The following KMT2C variants were observed in gnomAD, a reference collection of about 807,000 sequenced individuals.
The protein encoded by KMT2C is lysine methyltransferase 2C, also known as histone-lysine N-methyltransferase 2C.
KMT2C carries 88 observed loss-of-function variants against 507.9 expected under a neutral mutation model. The ratio of observed to expected loss-of-function variants is 0.17; its 90% CI spans 0.15 to 0.21. KMT2C has a LOEUF of 0.21. KMT2C is among the 10% of genes least tolerant of loss of function. KMT2C has a pLI of 1.00. For missense variants in KMT2C, 4,954 were observed against 5,957.8 expected (o/e 0.83, Z 5.55); for synonymous variants, 2,049 against 2,080.8 (o/e 0.98, Z 0.42).
intron 1 of KMT2C, among the ~76,000 whole-genome samples, chr7:152,374,063 A>G (rs2097310426): frequency 6.6e-6 from 1 of 152,222 alleles, no homozygotes; most frequent in Non-Finnish European, 1.5e-5. Context: ...CTATAATCCC[A>G]GCACTTTGGG....
At position 152,151,103 on chromosome 7, in the gene KMT2C, C is replaced by T. The variant is rs1474551125; in HGVS notation, c.12667-96G>A. The T allele has an allele frequency of 8.1e-6, 6 of 739,628 alleles. No homozygotes were observed. In the Admixed American group the frequency reaches 1.6e-4, roughly 20 times the overall value. 45.8% of individuals were successfully genotyped at this position (739,628 alleles called of 1,614,324 possible). The stretch of plus-strand genomic sequence containing the variant: ...ATTTTTATGTTATATTCAAAAGTGA[C>T]AGTGGTTCTTTATCTTAATAGTAGA... On this transcript the variant is annotated intron_variant, in intron 50 of 58. Transcript: ENST00000262189.
chr7:152,268,411 CTG>C (rs759932038), intron 7 of KMT2C, among the ~76,000 whole-genome samples: 5 of 152,348 alleles, frequency 3.3e-5, no homozygotes, highest in Non-Finnish European at 5.9e-5. Context: ...CAGCACAACT[CTG>C]TGAATCCTTG....
chr7:152,351,803 TCTTTA>T (rs369041721), intron 2 of KMT2C, among the ~76,000 whole-genome samples: 6,111 of 152,304 alleles, frequency 0.04, 166 homozygotes, highest in South Asian at 0.082. Flanking sequence ...CCTATGCCTG[TCTTTA>T]CTTTAATCTC....
At chr7:152,426,527 A>G (rs779858120) in intron 1 of KMT2C, among the ~76,000 whole-genome samples, 131 of 152,150 alleles carry the variant, frequency 8.6e-4, no homozygotes, top group Non-Finnish European at 1.4e-3. Flanking sequence ...GTGAGCCAAC[A>G]TACCCAGCCT....
chr7:152,208,188 T>C (rs17173379), intron 23 of KMT2C, among the ~76,000 whole-genome samples: 11 of 152,196 alleles, frequency 7.2e-5, no homozygotes, highest in African/African-American at 2.7e-4. Flanking sequence ...AAATAAACTT[T>C]AAATTGCAAG....
In KMT2C at chr7:152,176,706, G is replaced by A. The variant is rs938876206; in HGVS notation, c.8747C>T (p.Pro2916Leu). The A allele has an allele frequency of 3.3e-5, 54 of 1,614,074 alleles. No homozygotes were observed. The highest frequency in any genetic ancestry group is 4.4e-5 in the Non-Finnish European group (52 of 1,180,048). The stretch of plus-strand genomic sequence containing the variant: ...ATTAGCAAGTAAACTTGAGAGAACT[G>A]GAGTTGATCCAGTTATGCCACAAGA... ...INSCGITGSTPVLSSLLANEK... is the reference protein window; with the variant it reads ...INSCGITGSTLVLSSLLANEK... The change falls in exon 38 of 59, where the codon CCA becomes CTA. Residue 2916 changes from proline (P) to leucine (L), a missense_variant. Pro to Leu is a moderately conservative substitution (Grantham distance 98). Transcript: ENST00000262189.
At chr7:152,348,599 T>TAAAAAAAAAAAAAAAAAAAAA (rs201530125) in intron 2 of KMT2C, among the ~76,000 whole-genome samples, 16 of 48,974 alleles carry the variant, frequency 3.3e-4, no homozygotes, top group East Asian at 6.5e-4. Flanking sequence ...AACTCTGTCT[T>TAAAAAAAAAAAAAAAAAAAAA]AAAAAAAAAA....
At chr7:152,224,319 A>G (rs1319148612) in intron 19 of KMT2C, 116 bp downstream of exon 19, 2 of 1,269,084 alleles carry the variant, frequency 1.6e-6, no homozygotes, top group East Asian at 2.4e-5. Context: ...ACTGGTATCT[A>G]TCATAGAATA....
rs755503914 is a variant in KMT2C, at chr7:152,163,119, C to T, written c.10458G>A (p.Gln3486=). ...AATTAATTGATCCTTGTTGTATATT[C>T]TGCTGCTGTAAAACCTGCCCCATTT... ...QQQMGQVLQQ[Q]NIQQGSINSP... Residue 3486 remains glutamine (Q), a synonymous_variant, in exon 43 of 59, where the codon CAG becomes CAA. Transcript: ENST00000262189. 6.2e-7 allele frequency: 1 copy of T among 1,614,210 alleles called. No individual in the cohort carries two copies. Among genetic ancestry groups the T allele is most frequent in the Non-Finnish European group, 8.5e-7 (1 of 1,180,046 alleles).
chr7:152,309,507 CTTTTTTTTT>C (rs60166582), intron 6 of KMT2C, among the ~76,000 whole-genome samples: 8 of 87,970 alleles, frequency 9.1e-5, no homozygotes, highest in Middle Eastern at 5.8e-3. Flanking sequence ...CATAAAATAA[CTTTTTTTTT>C]TTTTTTTTTT....
At position 152,146,613 on chromosome 7, in the gene KMT2C, G is replaced by A. The variant is rs370620314; in HGVS notation, c.14017C>T (p.Arg4673Cys). 1.9e-5 allele frequency: 30 copies of A among 1,614,110 alleles called. No individual in the cohort carries two copies. The highest frequency in any genetic ancestry group is 2.3e-5 in the Non-Finnish European group (27 of 1,179,990). Residue 4673 changes from arginine to cysteine, a missense_variant, in exon 53 of 59, where the codon CGC becomes TGC. Around this residue, in one of 29 missense-constraint regions of KMT2C, gnomAD observed 221 missense variants for 304.7 expected, o/e 0.73. Coordinates refer to ENST00000262189, the MANE Select transcript of KMT2C (RefSeq NM_170606.3). ...LFGLTVSAVA[R>C]IAESLPGVEA... ...AAGACACTCACTGATTCCGCTATGCGTGCCACTGCAGAGACGGTCAGGCCA... is the reference window on the plus strand; with the variant it reads ...AAGACACTCACTGATTCCGCTATGCATGCCACTGCAGAGACGGTCAGGCCA...
At chr7:152,257,886 A>ACAC (rs2095688236) in intron 9 of KMT2C, among the ~76,000 whole-genome samples, 2 of 147,778 alleles carry the variant, frequency 1.4e-5, no homozygotes, top group African/African-American at 5.3e-5. Flanking sequence ...CACACACACA[A>ACAC]AAAAAACACC....
intron 55 of KMT2C, among the ~76,000 whole-genome samples, chr7:152,141,887 T>C (rs974802825): frequency 2.0e-5 from 3 of 152,114 alleles, no homozygotes; most frequent in Non-Finnish European, 2.9e-5. Context: ...CCAAGTATTG[T>C]GGCATGCGCC....
chr7:152,187,545 T>G, intron 32 of KMT2C, 69 bp from the exon 33 acceptor site: 1 of 1,474,134 alleles, frequency 6.8e-7, no homozygotes, highest in Admixed American at 1.8e-5. Flanking sequence ...CAAGTATAGC[T>G]TTCATTAAAA....
intron 33 of KMT2C, among the ~76,000 whole-genome samples, chr7:152,186,987 A>G (rs995718889): frequency 2.0e-5 from 3 of 152,210 alleles, no homozygotes; most frequent in Non-Finnish European, 4.4e-5. Context: ...AAAGAATCAC[A>G]TAACACGGAT....
chr7:152,210,550 T>A (rs1338323890), intron 23 of KMT2C, among the ~76,000 whole-genome samples: 1 of 151,962 alleles, frequency 6.6e-6, no homozygotes. Context: ...TTTTTTTTTT[T>A]TTAAAAAAGC....
At chr7:152,420,718 C>G (rs1386204903) in intron 1 of KMT2C, among the ~76,000 whole-genome samples, 1 of 151,790 alleles carries the variant, frequency 6.6e-6, no homozygotes, top group Non-Finnish European at 1.5e-5. Flanking sequence ...GCCTGTAGTC[C>G]CAGCTACTCG....
chr7:152,363,070 T>G (rs17173407), intron 1 of KMT2C, among the ~76,000 whole-genome samples: 5,721 of 152,284 alleles, frequency 0.038, 379 homozygotes, highest in African/African-American at 0.13. Flanking sequence ...GCAAAGATAA[T>G]GGTCATACTC....
rs1420335919 is a variant in KMT2C at position 152,311,872 on chromosome 7, C to G, written c.665G>C (p.Gly222Ala). The change falls in exon 5 of 59, where the codon GGT becomes GCT. Residue 222 changes from glycine (G) to alanine (A), a missense_variant. Transcript: ENST00000262189. ...STQTASDDQA[G>A]KLWDELSLVG... is the part of the protein sequence containing the mutation. ...CAGACTGAGTTCATCCCACAGTTTA[C>G]CAGCTTGATCATCTGAAGCTGTCTG... 1 of 1,611,722 alleles carries G rather than the reference C, an allele frequency of 6.2e-7. No homozygotes were observed. The highest frequency in any genetic ancestry group is 1.1e-5 in the South Asian group (1 of 90,886).
Sources: gnomAD v4.1 joint callset for allele counts (sites outside exome capture counted in the v4.1 genomes callset) on GRCh38, gnomAD v4.1.1 for gene constraint, gnomAD v4.1.1 regional missense constraint, MANE v1.5 for transcripts, NCBI Gene and HGNC (gene_info 2026-07-23, HGNC 2026-07-21) for gene names.